Variants in UTRN observed in about 807,000 individuals in gnomAD.
UTRN encodes the protein dystrophin-related protein 1.
UTRN carries 283 observed loss-of-function variants against 463.9 expected under a neutral mutation model. That is an observed-to-expected ratio of 0.61 (90% CI 0.55 to 0.67). UTRN has a LOEUF of 0.67. Ranked by LOEUF, UTRN falls within the 30% of genes least tolerant of loss-of-function variation. The pLI is 0.00. For synonymous variants in UTRN, 1,442 were observed against 1,431.5 expected (o/e 1.01, Z -0.17); for missense variants, 3,922 against 4,084.3 (o/e 0.96, Z 1.08).
intron 51 of UTRN, among the ~76,000 whole-genome samples, chr6:144,596,870 T>TGCTTTTGTTTTTGGATTTAAGTTCTC (rs1803700734): frequency 6.6e-6 from 1 of 152,216 alleles, no homozygotes; most frequent in Non-Finnish European, 1.5e-5. Flanking sequence ...TTGAGCATCA[T>TGCTTTTGTTTTTGGATTTAAGTTCTC]AAAAGAACTT....
chr6:144,303,188 G>A (rs944844441), intron 2 of UTRN, among the ~76,000 whole-genome samples: 2 of 152,204 alleles, frequency 1.3e-5, no homozygotes, highest in Non-Finnish European at 2.9e-5. Context: ...GGTACAAGAG[G>A]AGACTGAGCA....
chr6:144,677,628 C>A (rs1781773146), intron 51 of UTRN, among the ~76,000 whole-genome samples: 1 of 152,140 alleles, frequency 6.6e-6, no homozygotes, highest in African/African-American at 2.4e-5. Flanking sequence ...TGGGTATATA[C>A]CCAGTAATGG....
intron 3 of UTRN, among the ~76,000 whole-genome samples, chr6:144,413,848 G>A (rs919647078): frequency 6.6e-6 from 1 of 152,002 alleles, no homozygotes; most frequent in Non-Finnish European, 1.5e-5. Context: ...CTGTTGCCCA[G>A]GCTGAAGTGC....
In UTRN at chr6:144,511,006, T is replaced by C. The variant is rs757075653; in HGVS notation, c.4827T>C (p.Ala1609=). The stretch of plus-strand genomic sequence containing the variant: ...TAAATACCATCACAGAGAGTAGTGC[T>C]GCCCTGCAAAACTTGATTGAGGGCA... The part of the protein sequence containing the change: ...ADLNTITESS[A]ALQNLIEGSE... The change falls in exon 35 of 75, where the codon GCT becomes GCC. Residue 1609 remains alanine, a synonymous_variant. Coordinates refer to ENST00000367545, the MANE Select transcript of UTRN (RefSeq NM_007124.3). 1.5e-5 allele frequency: 24 copies of C among 1,613,212 alleles called. No homozygotes were observed. In the East Asian group the frequency reaches 5.1e-4, roughly 34 times the overall value.
chr6:144,395,272 T>A (rs1346061107), intron 2 of UTRN, among the ~76,000 whole-genome samples: 1 of 152,154 alleles, frequency 6.6e-6, no homozygotes, highest in Non-Finnish European at 1.5e-5. Context: ...TTAATGAAAA[T>A]CTTCACTCCA....
rs1001847767 is a variant in UTRN, at chr6:144,532,974, G to T, written c.6058-111G>T. ...TTTTCTAACATAAAATATCTTTCCA[G>T]GAGTTTGTTTCTTTCACACTTAAAT... On this transcript the variant is annotated intron_variant, in intron 42 of 74. Transcript: ENST00000367545. 5 of 527,550 alleles carry T rather than the reference G, an allele frequency of 9.5e-6. No homozygotes were observed. The South Asian group carries it at 1.9e-4, about 20-fold the overall frequency. 32.7% of individuals were successfully genotyped at this position (527,550 alleles called of 1,614,324 possible). A position where few individuals can be genotyped will look rare whatever the true frequency, so the allele number is the denominator to read the frequency against.
chr6:144,841,296 C>T (rs1340584532), intron 73 of UTRN, among the ~76,000 whole-genome samples: 1 of 152,150 alleles, frequency 6.6e-6, no homozygotes, highest in East Asian at 1.9e-4. Flanking sequence ...GGATTGTTTT[C>T]AGATTTTCCC....
intron 2 of UTRN, among the ~76,000 whole-genome samples, chr6:144,300,104 G>C (rs1805100568): frequency 6.9e-6 from 1 of 144,210 alleles, no homozygotes; most frequent in Non-Finnish European, 1.5e-5. Context: ...TTTTTTTTGA[G>C]CCGTAGTCTT....
rs539728013 is a variant in UTRN at position 144,288,979 on chromosome 6, G to C, written c.-92-2758G>C. Among the ~76,000 whole-genome samples, 449 of 152,170 alleles carry C rather than the reference G, an allele frequency of 3.0e-3. 4 individuals are homozygous for C. The highest frequency in any genetic ancestry group is 9.9e-3 in the African/African-American group (409 of 41,508). On this transcript the variant is annotated intron_variant, in intron 1 of 74. Transcript: ENST00000367545. ...GGGTTTCGCCATGTTGGCCAGGCTGGTCTCAAACTCTTGACCTCAAGTGTT... is the reference window on the plus strand; with the variant it reads ...GGGTTTCGCCATGTTGGCCAGGCTGCTCTCAAACTCTTGACCTCAAGTGTT...
At chr6:144,457,549 T>C (rs1788982484) in intron 19 of UTRN, among the ~76,000 whole-genome samples, 1 of 152,208 alleles carries the variant, frequency 6.6e-6, no homozygotes, top group Non-Finnish European at 1.5e-5. Flanking sequence ...TTGTTTTGTA[T>C]ACTCTCCCCA....
chr6:144,458,660 T>A lies in UTRN; in HGVS notation c.2285-110T>A. On this transcript the variant is annotated intron_variant, in intron 19 of 74. Coordinates refer to ENST00000367545, the MANE Select transcript of UTRN (RefSeq NM_007124.3). The stretch of plus-strand genomic sequence containing the variant: ...TATTAAAAGGGACTTAAGAAAGTGA[T>A]CATTATGTGTGACATTGCCTCACTA... 3 of 1,303,658 alleles carry A rather than the reference T, an allele frequency of 2.3e-6. 1 individual carries two copies. The South Asian group carries it at 5.5e-5, about 24-fold the overall frequency. The allele number at this position is 1,303,658 out of a possible 1,614,324, so 80.8% of individuals were successfully genotyped here. A position where few individuals can be genotyped will look rare whatever the true frequency, so the allele number is the denominator to read the frequency against.
chr6:144,763,034 G>C (rs937147452), intron 58 of UTRN, among the ~76,000 whole-genome samples: 1 of 152,168 alleles, frequency 6.6e-6, no homozygotes, highest in African/African-American at 2.4e-5. Context: ...CTATAGCTCA[G>C]TTTTTCCCAC....
intron 73 of UTRN, among the ~76,000 whole-genome samples, chr6:144,844,270 CT>C (rs543418042): frequency 8.2e-4 from 118 of 143,552 alleles, no homozygotes; most frequent in Middle Eastern, 3.6e-3. Context: ...CTTTCTCTCT[CT>C]TTTTTTTTTT....
At chr6:144,361,599 T>C (rs1442641990) in intron 2 of UTRN, among the ~76,000 whole-genome samples, 2 of 152,046 alleles carry the variant, frequency 1.3e-5, no homozygotes, top group Non-Finnish European at 2.9e-5. Flanking sequence ...TATTTATTTA[T>C]CTTTTTTAGA....
intron 64 of UTRN, among the ~76,000 whole-genome samples, chr6:144,798,712 A>T (rs530843502): frequency 3.3e-5 from 5 of 152,330 alleles, no homozygotes; most frequent in Admixed American, 2.0e-4. Context: ...AAGCCTACTC[A>T]GTAGGGAAAT....
chr6:144,811,975 C>T (rs541687435), intron 65 of UTRN, among the ~76,000 whole-genome samples: 236 of 152,142 alleles, frequency 1.6e-3, no homozygotes, highest in African/African-American at 5.3e-3. Context: ...CTTGATTTGC[C>T]TCTTTGTAAG....
chr6:144,591,926 C>G (rs1042380962), intron 51 of UTRN, among the ~76,000 whole-genome samples: 3 of 152,052 alleles, frequency 2.0e-5, no homozygotes, highest in Non-Finnish European at 4.4e-5. Context: ...AAAACATTAT[C>G]TGATTGTGTA....
At chr6:144,513,872 A>G (rs1795383651) in intron 35 of UTRN, 37 bp from the exon 36 acceptor site, 1 of 1,599,086 alleles carries the variant, frequency 6.3e-7, no homozygotes, top group African/African-American at 1.4e-5. Flanking sequence ...TAAATATTTC[A>G]TATGGTTATG....
chr6:144,447,315 G>C lies in UTRN; in HGVS notation c.1719G>C (p.Leu573=). ...AACTAAGTGTCAGTGTTCGACGTCT[G>C]GCTGTAAGTGATGGGGTTGTCAGCA... ...QKELSVSVRR[L]AILKEDMEMK... The change falls in exon 15 of 75, where the codon CTG becomes CTC. Residue 573 remains leucine (L), a synonymous_variant. Coordinates refer to ENST00000367545, the MANE Select transcript of UTRN (RefSeq NM_007124.3). The C allele has an allele frequency of 1.2e-6, 2 of 1,612,658 alleles. No individual in the cohort carries two copies. Among genetic ancestry groups the C allele is most frequent in the African/African-American group, 1.3e-5 (1 of 74,952 alleles).
Sources: allele counts gnomAD v4.1 joint callset (sites outside exome capture counted in the v4.1 genomes callset), GRCh38; gene constraint gnomAD v4.1.1; transcripts MANE v1.5; gene names NCBI Gene and HGNC (gene_info 2026-07-23, HGNC 2026-07-21).